Variants in ZNF423 observed in about 807,000 individuals in gnomAD.
ZNF423 encodes the protein Ebf-associated zinc finger protein.
ZNF423 carries 12 observed loss-of-function variants against 95.8 expected under a neutral mutation model. That is an observed-to-expected ratio of 0.13 (90% CI 0.08 to 0.20). The LOEUF is 0.20. Ranked by LOEUF, ZNF423 falls within the 10% of genes least tolerant of loss-of-function variation. The pLI is 1.00. For missense variants in ZNF423, 1,316 were observed against 1,737.1 expected (o/e 0.76, Z 4.31); for synonymous variants, 749 against 711.9 (o/e 1.05, Z -0.83).
At chr16:49,542,890 G>A (rs975608434) in intron 5 of ZNF423, among the ~76,000 whole-genome samples, 1 of 152,166 alleles carries the variant, frequency 6.6e-6, no homozygotes, top group African/African-American at 2.4e-5. Flanking sequence ...GCACCCCGTG[G>A]CCCCCACCCT....
intron 1 of ZNF423, among the ~76,000 whole-genome samples, chr16:49,842,602 G>A (rs1285915785): frequency 6.6e-6 from 1 of 151,912 alleles, no homozygotes; most frequent in East Asian, 1.9e-4. Flanking sequence ...AAAATAAAAG[G>A]CAACATCACT....
chr16:49,558,847 C>G (rs1969925530), intron 5 of ZNF423, among the ~76,000 whole-genome samples: 1 of 152,244 alleles, frequency 6.6e-6, no homozygotes, highest in Admixed American at 6.5e-5. Flanking sequence ...CCTGAATAGT[C>G]TTGGCATTGG....
chr16:49,535,061 G>A (rs1034962909), intron 5 of ZNF423, among the ~76,000 whole-genome samples: 27 of 152,330 alleles, frequency 1.8e-4, no homozygotes, highest in Admixed American at 5.9e-4. Flanking sequence ...AGTCAGGGGC[G>A]TGATCAGCTG....
chr16:49,712,067 T>C (rs191397715), intron 3 of ZNF423, among the ~76,000 whole-genome samples: 57 of 152,338 alleles, frequency 3.7e-4, no homozygotes, highest in Non-Finnish European at 7.1e-4. Context: ...CAGTGAGCTA[T>C]GTTCACACCA....
chr16:49,635,506 A>G lies in ZNF423; in HGVS notation c.3516+154T>C, dbSNP rs77087920. Among the ~76,000 whole-genome samples, 438 of 152,374 alleles carry G rather than the reference A, an allele frequency of 2.9e-3. 3 individuals are homozygous for G. The highest frequency in any genetic ancestry group is 9.7e-3 in the African/African-American group (402 of 41,580). ...AAGGCAATGGCAGTGCTGAGGTTCA[A>G]ACTCAAGGAGTCTACAGCACAGCAG... On this transcript the variant is annotated intron_variant, in intron 4 of 7. Coordinates refer to ENST00000563137, the MANE Select transcript of ZNF423 (RefSeq NM_001379286.1). The surrounding 1 kb of genome is among the most constrained non-coding windows in gnomAD (Gnocchi z 4.8).
chr16:49,724,749 C>A (rs2143307301), intron 3 of ZNF423, among the ~76,000 whole-genome samples: 1 of 152,280 alleles, frequency 6.6e-6, no homozygotes, highest in South Asian at 2.1e-4. Context: ...CGGCTTGTTG[C>A]ACAGCAGCAT....
At chr16:49,838,356 G>A (rs1420132978) in intron 1 of ZNF423, among the ~76,000 whole-genome samples, 1 of 152,186 alleles carries the variant, frequency 6.6e-6, no homozygotes, top group African/African-American at 2.4e-5. Flanking sequence ...CTGTAAAATG[G>A]GGATACACAT....
intron 3 of ZNF423, among the ~76,000 whole-genome samples, chr16:49,664,661 C>A (rs979898526): frequency 2.7e-5 from 4 of 148,400 alleles, no homozygotes; most frequent in African/African-American, 9.8e-5. Flanking sequence ...CCTGGGAGGC[C>A]CCTGGGTGGG....
At chr16:49,857,451 C>G (rs982498783), upstream of ZNF423, among the ~76,000 whole-genome samples, 1 of 152,122 alleles carries the variant, frequency 6.6e-6, no homozygotes, top group Non-Finnish European at 1.5e-5. The surrounding 1 kb of genome is among the most constrained non-coding windows in gnomAD (Gnocchi z 6.2). Context: ...CGCCAAGACG[C>G]ATGAGCCTCA....
rs552252447 is a variant in ZNF423, at chr16:49,577,943, T to C, written c.3601+48227A>G. ...TCACATTGCAGTAAAGGCCAGTGCC[T>C]GCTTGACCTAGACACATGGCAGGCA... On this transcript the variant is annotated intron_variant, in intron 5 of 7. Transcript: ENST00000563137. 2.6e-5 allele frequency among the ~76,000 whole-genome samples: 4 copies of C among 152,336 alleles called. No homozygotes were observed. In the East Asian group the frequency reaches 7.7e-4, roughly 29 times the overall value.
At chr16:49,730,659 A>T in intron 3 of ZNF423, 112 bp downstream of exon 3, 1 of 1,148,456 alleles carries the variant, frequency 8.7e-7, no homozygotes. Context: ...AAATGACATT[A>T]ACTGTAAAAT....
intron 5 of ZNF423, among the ~76,000 whole-genome samples, chr16:49,605,506 G>C (rs1971509623): frequency 6.6e-6 from 1 of 152,178 alleles, no homozygotes; most frequent in Admixed American, 6.5e-5. Flanking sequence ...CAAACAAAGA[G>C]AGAACTCCAA....
chr16:49,550,491 C>T (rs1156351203), intron 5 of ZNF423, among the ~76,000 whole-genome samples: 1 of 152,276 alleles, frequency 6.6e-6, no homozygotes, highest in African/African-American at 2.4e-5. Flanking sequence ...AAAACTGAGG[C>T]TCGGAAAGAG....
At chr16:49,737,507 G>A (rs562459962) in intron 2 of ZNF423, among the ~76,000 whole-genome samples, 7 of 152,268 alleles carry the variant, frequency 4.6e-5, no homozygotes, top group African/African-American at 1.4e-4. Context: ...TGATCCACCC[G>A]CCTCGGCCTC....
intron 4 of ZNF423, among the ~76,000 whole-genome samples, chr16:49,630,680 G>A (rs1201132313): frequency 1.3e-5 from 2 of 152,146 alleles, no homozygotes; most frequent in Non-Finnish European, 2.9e-5. Context: ...CATGATCACA[G>A]TGACTTGGTT....
chr16:49,499,282 C>A lies in ZNF423; in HGVS notation c.3850-7978G>T, dbSNP rs184987473. On this transcript the variant is annotated intron_variant, in intron 7 of 7. Transcript: ENST00000563137. ...CGTGAGGTTTTCCCGTCCCTGCCTGCCAGACAGTGAGGCAGCCTGTCGTCT... is the reference window on the plus strand; with the variant it reads ...CGTGAGGTTTTCCCGTCCCTGCCTGACAGACAGTGAGGCAGCCTGTCGTCT... 4.3e-3 allele frequency among the ~76,000 whole-genome samples: 660 copies of A among 152,326 alleles called. 4 individuals are homozygous for A. The highest frequency in any genetic ancestry group is 6.8e-3 in the Middle Eastern group (2 of 294).
At chr16:49,672,215 C>T (rs75137960) in intron 3 of ZNF423, among the ~76,000 whole-genome samples, 5,532 of 152,168 alleles carry the variant, frequency 0.036, 160 homozygotes, top group East Asian at 0.072. Flanking sequence ...CAGCTCAGGT[C>T]AAACTTGGCT....
chr16:49,499,291 G>T (rs1001956026), intron 7 of ZNF423, among the ~76,000 whole-genome samples: 5 of 152,214 alleles, frequency 3.3e-5, no homozygotes, highest in African/African-American at 7.2e-5. Context: ...GCCAGACAGT[G>T]AGGCAGCCTG....
chr16:49,809,388 C>T (rs992127038), intron 1 of ZNF423, among the ~76,000 whole-genome samples: 5 of 152,196 alleles, frequency 3.3e-5, no homozygotes, highest in Admixed American at 1.3e-4. Flanking sequence ...CTCTGTGTGT[C>T]ACCCACACTG....
Sources: allele counts gnomAD v4.1 joint callset (sites outside exome capture counted in the v4.1 genomes callset), GRCh38; gene constraint gnomAD v4.1.1; non-coding constraint Gnocchi (gnomAD v3.1); transcripts MANE v1.5; gene names NCBI Gene and HGNC (gene_info 2026-07-23, HGNC 2026-07-21).